Variants in CCDC152 observed in about 807,000 individuals in gnomAD.
CCDC152 encodes the protein coiled-coil domain-containing protein 152.
Under a neutral mutation model 38.1 loss-of-function variants are expected in CCDC152, and 37 were observed. The ratio of observed to expected loss-of-function variants is 0.97; its 90% CI spans 0.75 to 1.28. The LOEUF (loss-of-function observed/expected upper bound fraction) is 1.28, where lower values mean the gene tolerates loss of function less well. Among genes scored for constraint, CCDC152 ranks in the 50% most tolerant of loss-of-function variants. CCDC152 has a pLI of 0.00. For missense variants in CCDC152, 259 were observed against 292.1 expected, an observed-to-expected ratio of 0.89 and a Z score of 0.83; for synonymous variants, 83 against 87.1, an observed-to-expected ratio of 0.95 and a Z score of 0.26.
In CCDC152 at chr5:42,759,105, G is replaced by C; in HGVS notation, c.-2-15G>C. On this transcript the variant is annotated splice_polypyrimidine_tract_variant and intron_variant, in intron 1 of 8. Transcript: ENST00000361970. The stretch of plus-strand genomic sequence containing the variant: ...ATTTATTTATTTAACACTATCTACT[G>C]TTTACTACTTTCAGGCATGGACCAA... 2 of 1,511,628 alleles carry C rather than the reference G, an allele frequency of 1.3e-6. No individual in the cohort carries two copies. Among genetic ancestry groups the C allele is most frequent in the Non-Finnish European group, 9.0e-7 (1 of 1,112,488 alleles). 93.6% of individuals were successfully genotyped at this position (1,511,628 alleles called of 1,614,324 possible).
At chr5:42,788,188 C>A (rs1266937300) in intron 6 of CCDC152, among the ~76,000 whole-genome samples, 1 of 149,454 alleles carries the variant, frequency 6.7e-6, no homozygotes, top group African/African-American at 2.5e-5. Flanking sequence ...TTTCTCCTTC[C>A]TTGTTTGGTG....
At chr5:42,787,007 C>T (rs1325823162) in intron 6 of CCDC152, among the ~76,000 whole-genome samples, 2 of 151,818 alleles carry the variant, frequency 1.3e-5, no homozygotes, top group Non-Finnish European at 2.9e-5. Flanking sequence ...TTATGGTCCA[C>T]ATATACGTTT....
At chr5:42,781,959 A>G (rs1759852745) in intron 5 of CCDC152, among the ~76,000 whole-genome samples, 1 of 152,102 alleles carries the variant, frequency 6.6e-6, no homozygotes, top group Admixed American at 6.5e-5. Context: ...AAGTTGTAAA[A>G]TTTATCTTCA....
chr5:42,780,531 T>C (rs922093443), intron 5 of CCDC152, among the ~76,000 whole-genome samples: 1 of 152,128 alleles, frequency 6.6e-6, no homozygotes, highest in African/African-American at 2.4e-5. Flanking sequence ...GGGAGAAAAT[T>C]TGACCTGCTT....
intron 2 of CCDC152, among the ~76,000 whole-genome samples, chr5:42,762,051 A>G (rs1346000996): frequency 6.6e-6 from 1 of 152,216 alleles, no homozygotes; most frequent in Non-Finnish European, 1.5e-5. Flanking sequence ...GGTGTAGCCT[A>G]TTACACACCT....
intron 5 of CCDC152, among the ~76,000 whole-genome samples, 197 bp downstream of exon 5, chr5:42,779,719 GTT>G (rs33987951): frequency 5.8e-4 from 86 of 148,334 alleles, no homozygotes; most frequent in South Asian, 4.4e-3. Context: ...AGTTTTAAGA[GTT>G]TTTTTTTTTT....
chr5:42,781,446 G>A (rs1170505809), intron 5 of CCDC152, among the ~76,000 whole-genome samples: 1 of 151,844 alleles, frequency 6.6e-6, no homozygotes, highest in East Asian at 1.9e-4. Context: ...TTTAATTGTG[G>A]GCATAGAAGC....
chr5:42,779,453 C>T lies in CCDC152; in HGVS notation c.263-5C>T. 6.9e-7 allele frequency: 1 copy of T among 1,444,818 alleles called. No individual in the cohort carries two copies. Among genetic ancestry groups the T allele is most frequent in the Non-Finnish European group, 9.5e-7 (1 of 1,053,446 alleles). 89.5% of individuals were successfully genotyped at this position (1,444,818 alleles called of 1,614,324 possible). ...TTATGATGTTCTTTGATTATTCTTA[C>T]ACAGGTGAAAATGAACAACTAAAAA... is the stretch of plus-strand genomic sequence containing the variant. On this transcript the variant is annotated splice_region_variant and splice_polypyrimidine_tract_variant and intron_variant, in intron 4 of 8. Transcript: ENST00000361970.
intron 3 of CCDC152, among the ~76,000 whole-genome samples, chr5:42,766,320 G>A (rs991724487): frequency 1.6e-4 from 24 of 152,084 alleles, no homozygotes; most frequent in Non-Finnish European, 1.8e-4. Flanking sequence ...TTGATGGGAA[G>A]GGAAATTAGT....
intron 6 of CCDC152, among the ~76,000 whole-genome samples, chr5:42,795,693 A>G (rs1760065051): frequency 6.6e-6 from 1 of 152,218 alleles, no homozygotes; most frequent in South Asian, 2.1e-4. Context: ...TTTATTATCT[A>G]AATATCTATA....
rs749198403 is a variant in CCDC152, at chr5:42,796,896, T to A, written c.498T>A (p.Asn166Lys). ...AGGAGATGGAAATTTCAGAGTTAAA[T>A]GCAAAGCTAAGAAGTCAAGAAAAAG... ...EKKEMEISEL[N>K]AKLRSQEKEK... Residue 166 changes from asparagine to lysine, a missense_variant, in exon 7 of 9, where the codon AAT becomes AAA. By Grantham distance (94) the Asn-to-Lys change is moderately conservative. Coordinates refer to ENST00000361970, the MANE Select transcript of CCDC152 (RefSeq NM_001134848.2). 16 of 1,532,108 alleles carry A rather than the reference T, an allele frequency of 1.0e-5. No individual in the cohort carries two copies. Among genetic ancestry groups the A allele is most frequent in the Admixed American group, 6.7e-5 (3 of 44,996 alleles). The allele number at this position is 1,532,108 out of a possible 1,614,324, so 94.9% of individuals were successfully genotyped here. A position where few individuals can be genotyped will look rare whatever the true frequency, so the allele number is the denominator to read the frequency against.
At chr5:42,770,084 G>C (rs1206775047) in intron 4 of CCDC152, among the ~76,000 whole-genome samples, 1 of 152,180 alleles carries the variant, frequency 6.6e-6, no homozygotes, top group Non-Finnish European at 1.5e-5. Flanking sequence ...ATTTGTGCAA[G>C]TGAAGTCAAC....
chr5:42,766,301 C>A (rs1299743847), intron 3 of CCDC152, among the ~76,000 whole-genome samples: 2 of 152,054 alleles, frequency 1.3e-5, no homozygotes, highest in Non-Finnish European at 2.9e-5. Context: ...AGGGAACCCT[C>A]GTACACTGTT....
At chr5:42,783,126 T>C (rs1336890484) in intron 5 of CCDC152, among the ~76,000 whole-genome samples, 1 of 151,912 alleles carries the variant, frequency 6.6e-6, no homozygotes, top group Admixed American at 6.6e-5. Context: ...TGCCTTAGCC[T>C]CCCAAAGTGC....
chr5:42,760,688 C>G (rs1203447286), intron 2 of CCDC152, among the ~76,000 whole-genome samples: 2 of 152,130 alleles, frequency 1.3e-5, no homozygotes, highest in African/African-American at 4.8e-5. Flanking sequence ...TCTATTCCTT[C>G]TTTTCGTCAG....
intron 4 of CCDC152, 53 bp downstream of exon 4, chr5:42,769,718 T>G: frequency 7.0e-7 from 1 of 1,434,904 alleles, no homozygotes; most frequent in Non-Finnish European, 9.2e-7. Context: ...TTTGAGCACC[T>G]TTAAAAATAG....
Position 42,788,051 on chromosome 5 carries a change from C to T in CCDC152, c.430+4475C>T, listed in dbSNP as rs144575006. On this transcript the variant is annotated intron_variant, in intron 6 of 8. Transcript: ENST00000361970. ...AGGATCTGTGAACTTTGTACTTCTG[C>T]GTGCTTTTATGATAGCAAGTATTGT... is the stretch of plus-strand genomic sequence containing the variant. Among the ~76,000 whole-genome samples the T allele has an allele frequency of 1.4e-3, 206 of 152,226 alleles. 1 individual carries two copies. The highest frequency in any genetic ancestry group is 4.5e-3 in the African/African-American group (188 of 41,554).
chr5:42,759,335 A>G (rs1291658100), intron 2 of CCDC152, 127 bp downstream of exon 2: 5 of 559,544 alleles, frequency 8.9e-6, no homozygotes, highest in East Asian at 3.0e-5. Context: ...ATATTTTGCT[A>G]TGCTCTTCTC....
intron 7 of CCDC152, among the ~76,000 whole-genome samples, chr5:42,798,539 G>C (rs770818915): frequency 2.6e-5 from 4 of 152,172 alleles, no homozygotes; most frequent in Non-Finnish European, 4.4e-5. Flanking sequence ...AATAGGCCAT[G>C]TTTCAAGATC....
Sources: gnomAD v4.1 joint callset for allele counts (sites outside exome capture counted in the v4.1 genomes callset) on GRCh38, gnomAD v4.1.1 for gene constraint, MANE v1.5 for transcripts, NCBI Gene and HGNC (gene_info 2026-07-23, HGNC 2026-07-21) for gene names.